SMIM15: variants seen among roughly 807,000 people sequenced by gnomAD.
SMIM15 encodes small integral membrane protein 15.
A neutral mutation model predicts 6.8 loss-of-function variants in SMIM15; 5 were observed. The ratio of observed to expected loss-of-function variants is 0.74; its 90% CI spans 0.39 to 1.56. The LOEUF (loss-of-function observed/expected upper bound fraction) is 1.56. Among genes scored for constraint, SMIM15 ranks in the 40% most tolerant of loss-of-function variants. The pLI is 0.03. For synonymous variants in SMIM15, 30 were observed against 30.8 expected, an observed-to-expected ratio of 0.97 and a Z score of 0.09; for missense variants, 81 against 84.8, an observed-to-expected ratio of 0.96 and a Z score of 0.18.
chr5:61,158,145 A>G lies in SMIM15; in HGVS notation c.*1802T>C, dbSNP rs1741354860. 1 of 152,200 alleles carries G rather than the reference A, an allele frequency of 6.6e-6. No homozygotes were observed. Among genetic ancestry groups the G allele is most frequent in the Non-Finnish European group, 1.5e-5 (1 of 68,024 alleles). The allele number at this position is 152,200 out of a possible 1,614,324, so 9.4% of individuals were successfully genotyped here. A position where few individuals can be genotyped will look rare whatever the true frequency, so the allele number is the denominator to read the frequency against. On this transcript the variant is annotated 3_prime_UTR_variant, in exon 3 of 3. Coordinates refer to ENST00000339020, the MANE Select transcript of SMIM15 (RefSeq NM_001048249.4). ...TGTGTTAAGACTAATAAATTATAGA[A>G]AAACAGACCTTTAAATACCTTTAAG... is the stretch of plus-strand genomic sequence containing the variant.
intron 1 of SMIM15, among the ~76,000 whole-genome samples, chr5:61,161,647 G>GT (rs59558451): frequency 2.6e-5 from 4 of 151,948 alleles, no homozygotes; most frequent in African/African-American, 9.7e-5. Flanking sequence ...CTTTATAAAG[G>GT]TTTTTTTGGG....
At chr5:61,160,221 C>T (rs765290132) in intron 2 of SMIM15, 22 bp from the exon 3 acceptor site, 26 of 1,547,336 alleles carry the variant, frequency 1.7e-5, no homozygotes, top group Non-Finnish European at 2.2e-5. Flanking sequence ...GGGTGGAGAA[C>T]ACAGAGGAAA....
chr5:61,159,900 T>C lies in SMIM15; in HGVS notation c.*47A>G. ...TTTAGTGGATTCTTCCAAAGCTGTG[T>C]AATTTTCCAAATGATTTTCCTCTGG... On this transcript the variant is annotated 3_prime_UTR_variant, in exon 3 of 3. Transcript: ENST00000339020. 1 of 1,596,494 alleles carries C rather than the reference T, an allele frequency of 6.3e-7. No individual in the cohort carries two copies. Among genetic ancestry groups the C allele is most frequent in the Non-Finnish European group, 8.6e-7 (1 of 1,169,476 alleles).
In SMIM15 at chr5:61,161,519, T is replaced by C. The variant is rs188817244; in HGVS notation, c.-168-292A>G. On this transcript the variant is annotated intron_variant, in intron 1 of 2. Coordinates refer to ENST00000339020, the MANE Select transcript of SMIM15 (RefSeq NM_001048249.4). ...ACATACGGGAGACAAGTTGGCTCAC[T>C]GACTGACTTACACAGCGTATCCGTT... Among the ~76,000 whole-genome samples the C allele has an allele frequency of 3.0e-4, 45 of 152,318 alleles. No homozygotes were observed. The East Asian group carries it at 6.6e-3, about 22-fold the overall frequency.
intron 1 of SMIM15, chr5:61,161,943 A>T (rs2111850181): frequency 6.6e-6 from 1 of 152,386 alleles, no homozygotes. Flanking sequence ...TAAGTTTCAG[A>T]AATAAGCAAA....
Position 61,159,874 on chromosome 5 carries a change from CT to C in SMIM15, c.*72del. 6.6e-7 allele frequency: 1 copy of C among 1,518,964 alleles called. No homozygotes were observed. The highest frequency in any genetic ancestry group is 2.3e-5 in the East Asian group (1 of 44,342). 94.1% of individuals were successfully genotyped at this position (1,518,964 alleles called of 1,614,324 possible). A position where few individuals can be genotyped will look rare whatever the true frequency, so the allele number is the denominator to read the frequency against. ...ACTGTCAAGAAATCCAAAGAAGAAACTTTAGTGGATTCTTCCAAAGCTGTGT... is the reference window on the plus strand; with the variant it reads ...ACTGTCAAGAAATCCAAAGAAGAAACTTAGTGGATTCTTCCAAAGCTGTGT... On this transcript the variant is annotated 3_prime_UTR_variant, in exon 3 of 3. Transcript: ENST00000339020.
At chr5:61,161,754 T>C (rs932325472) in intron 1 of SMIM15, among the ~76,000 whole-genome samples, 1 of 152,040 alleles carries the variant, frequency 6.6e-6, no homozygotes, top group Non-Finnish European at 1.5e-5. Flanking sequence ...CCAAGAAAAC[T>C]GTGACTAGTT....
At chr5:61,160,886 T>C (rs938966846) in intron 2 of SMIM15, among the ~76,000 whole-genome samples, 5 of 152,236 alleles carry the variant, frequency 3.3e-5, no homozygotes, top group Non-Finnish European at 7.3e-5. Flanking sequence ...TTGTTCCTTT[T>C]TGAGTGTAAG....
rs191534002 is a variant in SMIM15 at position 61,161,172 on chromosome 5, T to C, written c.-113A>G. 6.6e-6 allele frequency: 1 copy of C among 152,212 alleles called. No individual in the cohort carries two copies. Among genetic ancestry groups the C allele is most frequent in the Non-Finnish European group, 1.5e-5 (1 of 68,042 alleles). 9.4% of individuals were successfully genotyped at this position (152,212 alleles called of 1,614,324 possible). A position where few individuals can be genotyped will look rare whatever the true frequency, so the allele number is the denominator to read the frequency against. ...ACTTCAGATGACCCTTGGTAGTCTGTCTTCTTGAGTTCTACTGTACACATC... is the reference window on the plus strand; with the variant it reads ...ACTTCAGATGACCCTTGGTAGTCTGCCTTCTTGAGTTCTACTGTACACATC... On this transcript the variant is annotated 5_prime_UTR_variant, in exon 2 of 3. Coordinates refer to ENST00000339020, the MANE Select transcript of SMIM15 (RefSeq NM_001048249.4).
In SMIM15 at chr5:61,160,112, A is replaced by G; in HGVS notation, c.60T>C (p.Tyr20=). 6.2e-7 allele frequency: 1 copy of G among 1,614,224 alleles called. No homozygotes were observed. The highest frequency in any genetic ancestry group is 8.5e-7 in the Non-Finnish European group (1 of 1,180,028). The change falls in exon 3 of 3, where the codon TAT becomes TAC. Residue 20 remains tyrosine (Y), a synonymous_variant. Coordinates refer to ENST00000339020, the MANE Select transcript of SMIM15 (RefSeq NM_001048249.4). The part of the protein sequence containing the change: ...YVVEWAAKDP[Y]GFLTTVILAL... ...CCAAAATAACGGTTGTAAGGAAGCCATAGGGGTCCTTTGCAGCCCATTCCA... is the reference window on the plus strand; with the variant it reads ...CCAAAATAACGGTTGTAAGGAAGCCGTAGGGGTCCTTTGCAGCCCATTCCA...
chr5:61,161,587 T>G (rs1374846745), intron 1 of SMIM15, among the ~76,000 whole-genome samples: 1 of 152,238 alleles, frequency 6.6e-6, no homozygotes, highest in Non-Finnish European at 1.5e-5. Flanking sequence ...GCCACTCATT[T>G]ATTTACTGGA....
rs1741377115 is a variant in SMIM15 at position 61,159,529 on chromosome 5, A to G, written c.*418T>C. 1.1e-5 allele frequency: 2 copies of G among 176,796 alleles called. No individual in the cohort carries two copies. The highest frequency in any genetic ancestry group is 3.0e-4 in the East Asian group (2 of 6,648). The allele number at this position is 176,796 out of a possible 1,614,324, so 11.0% of individuals were successfully genotyped here. A position where few individuals can be genotyped will look rare whatever the true frequency, so the allele number is the denominator to read the frequency against. ...CCTTTTAAGCCAAAGCACACTTTTT[A>G]CCTCAAGACTGTTCTGACTTTTACA... is the stretch of plus-strand genomic sequence containing the variant. On this transcript the variant is annotated 3_prime_UTR_variant, in exon 3 of 3. Transcript: ENST00000339020.
rs1001954485 is a variant in SMIM15, at chr5:61,161,122, T to C, written c.-63A>G. On this transcript the variant is annotated 5_prime_UTR_variant, in exon 2 of 3. Transcript: ENST00000339020. ...GAGTAGTGATCCCTTAACTTTGTCCTGGTGTTATTAGTGACCCAATCACGA... is the reference window on the plus strand; with the variant it reads ...GAGTAGTGATCCCTTAACTTTGTCCCGGTGTTATTAGTGACCCAATCACGA... 1.4e-4 allele frequency: 21 copies of C among 152,204 alleles called. No individual in the cohort carries two copies. The highest frequency in any genetic ancestry group is 4.8e-4 in the African/African-American group (20 of 41,450). 9.4% of individuals were successfully genotyped at this position (152,204 alleles called of 1,614,324 possible).
chr5:61,160,096 C>T lies in SMIM15; in HGVS notation c.76G>A (p.Val26Ile), dbSNP rs113692684. ...AACAGTGGAGTAAGGGCCAAAATAA[C>T]GGTTGTAAGGAAGCCATAGGGGTCC... ...AKDPYGFLTT[V>I]ILALTPLFLA... The change falls in exon 3 of 3, where the codon GTT becomes ATT. Residue 26 changes from valine to isoleucine, a missense_variant. Physicochemically the swap from Val to Ile is conservative, Grantham distance 29. Coordinates refer to ENST00000339020, the MANE Select transcript of SMIM15 (RefSeq NM_001048249.4). 3.9e-4 allele frequency: 631 copies of T among 1,614,118 alleles called. 5 individuals carry two copies. The African/African-American group carries it at 7.5e-3, about 19-fold the overall frequency.
At chr5:61,160,783 G>T (rs915713237) in intron 2 of SMIM15, among the ~76,000 whole-genome samples, 11 of 152,162 alleles carry the variant, frequency 7.2e-5, no homozygotes, top group African/African-American at 2.7e-4. Flanking sequence ...AAAAAGTACT[G>T]TGCTATTTTA....
In SMIM15 at chr5:61,160,089, A is replaced by G. The variant is rs755525685; in HGVS notation, c.83T>C (p.Leu28Ser). 7.4e-6 allele frequency: 12 copies of G among 1,614,086 alleles called. No individual in the cohort carries two copies. The South Asian group carries it at 1.3e-4, about 18-fold the overall frequency. ...DPYGFLTTVI[L>S]ALTPLFLASA... ...TGCTAGGAACAGTGGAGTAAGGGCC[A>G]AAATAACGGTTGTAAGGAAGCCATA... Residue 28 changes from leucine to serine, a missense_variant, in exon 3 of 3, where the codon TTG (leucine) becomes TCG (serine). Coordinates refer to ENST00000339020, the MANE Select transcript of SMIM15 (RefSeq NM_001048249.4).
Position 61,159,916 on chromosome 5 carries a change from T to C in SMIM15, c.*31A>G, listed in dbSNP as rs762926038. 6.2e-7 allele frequency: 1 copy of C among 1,607,838 alleles called. No individual in the cohort carries two copies. The highest frequency in any genetic ancestry group is 1.1e-5 in the South Asian group (1 of 90,822). On this transcript the variant is annotated 3_prime_UTR_variant, in exon 3 of 3. Transcript: ENST00000339020. Reference sequence around the variant, plus strand: ...AAAGCTGTGTAATTTTCCAAATGATTTTCCTCTGGTTGCAAAGCCTGTTCA... The same window carrying C: ...AAAGCTGTGTAATTTTCCAAATGATCTTCCTCTGGTTGCAAAGCCTGTTCA...
chr5:61,160,815 C>G (rs1561143605), intron 2 of SMIM15, among the ~76,000 whole-genome samples: 1 of 152,150 alleles, frequency 6.6e-6, no homozygotes, highest in Non-Finnish European at 1.5e-5. Flanking sequence ...CTTTGAGGAC[C>G]TCTGTTGGAA....
rs1443339955 is a variant in SMIM15, at chr5:61,159,972, T to A, written c.200A>T (p.Lys67Ile). Residue 67 changes from lysine (K) to isoleucine (I), a missense_variant, in exon 3 of 3, where the codon AAA becomes ATA. Transcript: ENST00000339020. ...KKQKRQENIA[K>I]AKRLKKD Reference sequence around the variant, plus strand: ...TCAATCCTTTTTTAGTCGTTTAGCTTTTGCAATGTTTTCTTGGCGTTTTTG... The same window carrying A: ...TCAATCCTTTTTTAGTCGTTTAGCTATTGCAATGTTTTCTTGGCGTTTTTG... 1.2e-6 allele frequency: 2 copies of A among 1,613,228 alleles called. No homozygotes were observed. Among genetic ancestry groups the A allele is most frequent in the Non-Finnish European group, 1.7e-6 (2 of 1,180,024 alleles).
Sources: gnomAD v4.1 joint callset for allele counts (sites outside exome capture counted in the v4.1 genomes callset) on GRCh38, gnomAD v4.1.1 for gene constraint, MANE v1.5 for transcripts, NCBI Gene and HGNC (gene_info 2026-07-23, HGNC 2026-07-21) for gene names.